The following ZNF780B variants were observed in gnomAD, a reference collection of about 807,000 sequenced individuals.
The protein encoded by ZNF780B is zinc finger protein 779.
ZNF780B carries 52 observed loss-of-function variants against 74.1 expected under a neutral mutation model. The observed-to-expected ratio is 0.70, with a 90% CI of 0.56 to 0.88. The LOEUF is 0.88. ZNF780B is among the 40% of genes least tolerant of loss of function. ZNF780B has a pLI of 0.00. For synonymous variants in ZNF780B, 315 were observed against 324.3 expected (o/e 0.97, Z 0.31); for missense variants, 953 against 1,007.6 (o/e 0.95, Z 0.73).
intron 4 of ZNF780B, among the ~76,000 whole-genome samples, chr19:40,040,377 T>A (rs1314565830): frequency 6.6e-6 from 1 of 152,240 alleles, no homozygotes; most frequent in African/African-American, 2.4e-5. Flanking sequence ...TTCTCTTTTT[T>A]CGTTGTGTCT....
At chr19:40,038,257 T>C (rs1461523018) in intron 4 of ZNF780B, among the ~76,000 whole-genome samples, 3 of 149,794 alleles carry the variant, frequency 2.0e-5, no homozygotes, top group African/African-American at 7.4e-5. Context: ...TCATTTTTTA[T>C]GGCTGCATAG....
At chr19:40,043,610 C>A (rs376851672) in intron 4 of ZNF780B, among the ~76,000 whole-genome samples, 1 of 152,206 alleles carries the variant, frequency 6.6e-6, no homozygotes, top group Non-Finnish European at 1.5e-5. Flanking sequence ...CAATGGCAGG[C>A]GCCCCTCCTC....
intron 1 of ZNF780B, among the ~76,000 whole-genome samples, chr19:40,055,732 C>T (rs1009631549): frequency 2.6e-5 from 4 of 152,194 alleles, no homozygotes; most frequent in African/African-American, 9.7e-5. Context: ...CATATTCCCA[C>T]CCCGAGTCCA....
chr19:40,047,546 T>C, intron 3 of ZNF780B, 76 bp from the exon 4 acceptor site: 2 of 929,616 alleles, frequency 2.2e-6, no homozygotes, highest in Non-Finnish European at 3.2e-6. Flanking sequence ...CTAGTTAAAC[T>C]TATAATAAAT....
chr19:40,055,967 C>G (rs1973481956), intron 1 of ZNF780B: 2 of 153,364 alleles, frequency 1.3e-5, no homozygotes, highest in South Asian at 2.1e-4. Context: ...CACGCACACA[C>G]TCACACAGTC....
Position 40,035,400 on chromosome 19 carries a change from GT to G in ZNF780B, c.1458del (p.Gln487SerfsTer180). On this transcript the variant is annotated frameshift_variant, in exon 5 of 5. Coordinates refer to ENST00000434248, the MANE Select transcript of ZNF780B (RefSeq NM_001005851.3). LOFTEE classifies it high-confidence loss of function. ...TGAATGTTCTTATGTCGAGCAAGCTGTGTCAGAAGACTAAAGGCCTTTCCAC... is the reference window on the plus strand; with the variant it reads ...TGAATGTTCTTATGTCGAGCAAGCTGGTCAGAAGACTAAAGGCCTTTCCAC... ...KECGKAFSLL[T>X]QLARHKNIHT... The G allele has an allele frequency of 6.2e-7, 1 of 1,614,110 alleles. No individual in the cohort carries two copies. The highest frequency in any genetic ancestry group is 8.5e-7 in the Non-Finnish European group (1 of 1,180,022).
chr19:40,052,199 T>C (rs1438696010), intron 1 of ZNF780B, among the ~76,000 whole-genome samples: 1 of 152,174 alleles, frequency 6.6e-6, no homozygotes, highest in East Asian at 1.9e-4. Flanking sequence ...TAATGACATA[T>C]TGTGCTGTAT....
At position 40,033,711 on chromosome 19, in the gene ZNF780B, T is replaced by A. The variant is rs1300130561; in HGVS notation, c.*646A>T. Reference sequence around the variant, plus strand: ...CTTCTAACTATAATGAATTTTCTGATGTTGCGTAAGCAGATCATTCACAGT... The same window carrying A: ...CTTCTAACTATAATGAATTTTCTGAAGTTGCGTAAGCAGATCATTCACAGT... On this transcript the variant is annotated 3_prime_UTR_variant, in exon 5 of 5. Coordinates refer to ENST00000434248, the MANE Select transcript of ZNF780B (RefSeq NM_001005851.3). 2 of 156,416 alleles carry A rather than the reference T, an allele frequency of 1.3e-5. No individual in the cohort carries two copies. The highest frequency in any genetic ancestry group is 2.4e-5 in the African/African-American group (1 of 41,538). The allele number at this position is 156,416 out of a possible 1,614,324, so 9.7% of individuals were successfully genotyped here. A position where few individuals can be genotyped will look rare whatever the true frequency, so the allele number is the denominator to read the frequency against.
chr19:40,035,547 T>G lies in ZNF780B; in HGVS notation c.1312A>C (p.Ile438Leu), dbSNP rs1345560753. 2.5e-6 allele frequency: 4 copies of G among 1,613,506 alleles called. No homozygotes were observed. The African/African-American group carries it at 5.4e-5, about 22-fold the overall frequency. Residue 438 changes from isoleucine (I) to leucine (L), a missense_variant, in exon 5 of 5, where the codon ATT (isoleucine) becomes CTT (leucine). Physicochemically the swap from Ile to Leu is conservative, Grantham distance 5. Transcript: ENST00000434248. ...ACAAAGGGTTTCTCATTGGAATGAA[T>G]TTTTTGATGCTGAATAAGATTTGCA... The part of the protein sequence containing the change: ...RGANLIQHQK[I>L]HSNEKPFVCR...
intron 3 of ZNF780B, among the ~76,000 whole-genome samples, chr19:40,048,223 C>T (rs980861767): frequency 1.3e-5 from 2 of 152,200 alleles, no homozygotes; most frequent in African/African-American, 4.8e-5. Context: ...CGGCTCTCTG[C>T]AGCCTTGACC....
intron 2 of ZNF780B, chr19:40,049,074 A>AG: frequency 2.7e-6 from 1 of 365,270 alleles, no homozygotes; most frequent in African/African-American, 2.1e-5. Flanking sequence ...AAAAAAAAAA[A>AG]GAAAGAAAGA....
At chr19:40,037,844 G>A (rs900491793) in intron 4 of ZNF780B, among the ~76,000 whole-genome samples, 73 of 149,286 alleles carry the variant, frequency 4.9e-4, no homozygotes, top group South Asian at 1.1e-3. Flanking sequence ...AGAATCGTCT[G>A]GCTTTGCTCT....
rs756689061 is a variant in ZNF780B at position 40,035,620 on chromosome 19, A to G, written c.1239T>C (p.Asp413=). 1.2e-6 allele frequency: 2 copies of G among 1,613,958 alleles called. No individual in the cohort carries two copies. The highest frequency in any genetic ancestry group is 1.7e-6 in the Non-Finnish European group (2 of 1,180,006). Residue 413 remains aspartate (D), a synonymous_variant, in exon 5 of 5, where the codon GAT becomes GAC. Transcript: ENST00000434248. ...ACTCCTTACATTCATATGGTTTTAC[A>G]TCAGCATGAATACTCTGGTGTTGAA... ...NLIQHQSIHA[D]VKPYECKECG...
chr19:40,053,815 C>G (rs1260415423), intron 1 of ZNF780B, among the ~76,000 whole-genome samples: 2 of 152,168 alleles, frequency 1.3e-5, no homozygotes, highest in Admixed American at 6.5e-5. Context: ...CACAGAAAGG[C>G]AGATGATCTC....
intron 4 of ZNF780B, among the ~76,000 whole-genome samples, chr19:40,044,989 A>G (rs1284915463): frequency 6.6e-6 from 1 of 152,230 alleles, no homozygotes; most frequent in Non-Finnish European, 1.5e-5. Context: ...GATTGAAAGT[A>G]AAAGAACAGG....
rs1240599331 is a variant in ZNF780B, at chr19:40,032,833, A to G, written c.*1524T>C. The G allele has an allele frequency of 6.5e-6, 1 of 154,190 alleles. No individual in the cohort carries two copies. Among genetic ancestry groups the G allele is most frequent in the Non-Finnish European group, 1.5e-5 (1 of 68,226 alleles). 9.6% of individuals were successfully genotyped at this position (154,190 alleles called of 1,614,324 possible). A position where few individuals can be genotyped will look rare whatever the true frequency, so the allele number is the denominator to read the frequency against. ...AATTATGAATATTTTCCTTAAGGGTAATTATGGTACTATGGTTATATGATA... is the reference window on the plus strand; with the variant it reads ...AATTATGAATATTTTCCTTAAGGGTGATTATGGTACTATGGTTATATGATA... On this transcript the variant is annotated 3_prime_UTR_variant, in exon 5 of 5. Coordinates refer to ENST00000434248, the MANE Select transcript of ZNF780B (RefSeq NM_001005851.3).
At position 40,047,444 on chromosome 19, in the gene ZNF780B, T is replaced by C. The variant is rs1458531627; in HGVS notation, c.163A>G (p.Ile55Val). ...TCTTTCTCTTGCTCTAGTAATGTAA[T>C]CACATCTGGCTTAGAAATGGAACTT... ...LGSSISKPDV[I>V]TLLEQEKEPW... is the part of the protein sequence containing the mutation. The change falls in exon 4 of 5, where the codon ATT becomes GTT. Residue 55 changes from isoleucine to valine, a missense_variant. Transcript: ENST00000434248. 6 of 1,613,548 alleles carry C rather than the reference T, an allele frequency of 3.7e-6. No individual in the cohort carries two copies. In the Admixed American group the frequency reaches 1.0e-4, roughly 27 times the overall value.
chr19:40,044,361 A>G (rs1247359799), intron 4 of ZNF780B, among the ~76,000 whole-genome samples: 2 of 152,218 alleles, frequency 1.3e-5, no homozygotes, highest in Non-Finnish European at 2.9e-5. Flanking sequence ...TCAAAGACAA[A>G]AGAGAATACT....
chr19:40,048,015 C>T (rs974494927), intron 3 of ZNF780B, among the ~76,000 whole-genome samples: 1 of 152,230 alleles, frequency 6.6e-6, no homozygotes, highest in Non-Finnish European at 1.5e-5. Context: ...GAAAAGCATA[C>T]ACTTCATGGC....
Sources: gnomAD v4.1 joint callset for allele counts (sites outside exome capture counted in the v4.1 genomes callset) on GRCh38, gnomAD v4.1.1 for gene constraint, MANE v1.5 for transcripts, NCBI Gene and HGNC (gene_info 2026-07-23, HGNC 2026-07-21) for gene names.